Variants in TTK observed in about 807,000 individuals in gnomAD.
TTK encodes dual specificity protein kinase TTK.
Under a neutral mutation model 117.3 loss-of-function variants are expected in TTK, and 59 were observed. That is an observed-to-expected ratio of 0.50 (90% CI 0.41 to 0.62). TTK has a LOEUF of 0.62. TTK is among the 20% of genes least tolerant of loss of function. The probability of loss-of-function intolerance (pLI) is 0.00; values close to 1 mark genes in which losing one functional copy is unlikely to be tolerated. For missense variants in TTK, 921 were observed against 989.4 expected (o/e 0.93, Z 0.93); for synonymous variants, 302 against 325.0 (o/e 0.93, Z 0.76).
intron 19 of TTK, among the ~76,000 whole-genome samples, 157 bp downstream of exon 19, chr6:80,040,029 T>G (rs1479509137): frequency 6.6e-6 from 1 of 151,916 alleles, no homozygotes; most frequent in East Asian, 1.9e-4. Context: ...TGTAAATACT[T>G]GGGGATTTTG....
intron 13 of TTK, among the ~76,000 whole-genome samples, chr6:80,030,615 G>T (rs1767732043): frequency 6.6e-6 from 1 of 152,080 alleles, no homozygotes; most frequent in African/African-American, 2.4e-5. Context: ...GGGAGGGAGA[G>T]AGAGAGTTGG....
At chr6:80,035,753 A>C (rs977734495) in intron 16 of TTK, among the ~76,000 whole-genome samples, 1 of 152,074 alleles carries the variant, frequency 6.6e-6, no homozygotes, top group African/African-American at 2.4e-5. Flanking sequence ...TGAGATGTTT[A>C]CTTTATTCAT....
rs917569852 is a variant in TTK, at chr6:80,034,945, A to G, written c.1615-40A>G. On this transcript the variant is annotated intron_variant, in intron 14 of 21. Transcript: ENST00000369798. ...TTAGAATCATTGTGTGATAGTGTAT[A>G]AATAGTATATTCTAAACTTCTCTTT... 10 of 1,406,532 alleles carry G rather than the reference A, an allele frequency of 7.1e-6. No homozygotes were observed. The Admixed American group carries it at 1.6e-4, about 22-fold the overall frequency. 87.1% of individuals were successfully genotyped at this position (1,406,532 alleles called of 1,614,324 possible).
chr6:80,040,985 A>G (rs1354445049), intron 21 of TTK, among the ~76,000 whole-genome samples: 1 of 151,848 alleles, frequency 6.6e-6, no homozygotes, highest in East Asian at 1.9e-4. Flanking sequence ...ATAGGAATAT[A>G]GTGTGTCTTT....
chr6:80,011,800 AGG>A lies in TTK; in HGVS notation c.801_801+1del. 6.2e-7 allele frequency: 1 copy of A among 1,612,728 alleles called. No individual in the cohort carries two copies. The highest frequency in any genetic ancestry group is 8.5e-7 in the Non-Finnish European group (1 of 1,179,148). On this transcript the variant is annotated splice_donor_variant and coding_sequence_variant, in exon 7 of 22. Transcript: ENST00000369798. LOFTEE classifies it high-confidence loss of function. ...TTGAGACAAACTAACAAAACTAAAC[AGG>A]TAAGTTACTTTCAATCTGCTTGATT...
rs1467604236 is a variant in TTK at position 80,036,476 on chromosome 6, C to T, written c.1926C>T (p.Gly642=). ...TTACAGTGGATTTTTATTTTAAAGG[C>T]ATTGTTCACAGTGATCTTAAACCAG... The part of the protein sequence containing the change: ...LEAVHTIHQH[G]IVHSDLKPAN... The change falls in exon 17 of 22, where the codon GGC becomes GGT. Residue 642 remains glycine (G), a splice_region_variant and synonymous_variant. Transcript: ENST00000369798. The T allele has an allele frequency of 6.3e-7, 1 of 1,596,692 alleles. No individual in the cohort carries two copies. The highest frequency in any genetic ancestry group is 1.7e-4 in the Middle Eastern group (1 of 5,974).
At position 80,037,996 on chromosome 6, in the gene TTK, A is replaced by G; in HGVS notation, c.2079A>G (p.Glu693=). The change falls in exon 18 of 22, where the codon GAA becomes GAG. Residue 693 remains glutamate, a synonymous_variant. Coordinates refer to ENST00000369798, the MANE Select transcript of TTK (RefSeq NM_003318.5). ...GCACAGTTAATTATATGCCACCAGA[A>G]GCAATCAAAGATATGTCTTCCTCCA... is the stretch of plus-strand genomic sequence containing the variant. ...QVGTVNYMPP[E]AIKDMSSSRE... is the part of the protein sequence containing the mutation. 1 of 1,610,684 alleles carries G rather than the reference A, an allele frequency of 6.2e-7. No individual in the cohort carries two copies. Among genetic ancestry groups the G allele is most frequent in the Non-Finnish European group, 8.5e-7 (1 of 1,178,104 alleles).
chr6:80,033,506 T>G (rs561151622), intron 14 of TTK, among the ~76,000 whole-genome samples: 1 of 152,212 alleles, frequency 6.6e-6, no homozygotes, highest in African/African-American at 2.4e-5. Context: ...AGGGATGTTT[T>G]TCTGATTTGC....
Position 80,027,994 on chromosome 6 carries a change from CCACTT to C in TTK, c.1507_1511del (p.Leu503LysfsTer12). On this transcript the variant is annotated frameshift_variant, in exon 13 of 22. Transcript: ENST00000369798. LOFTEE classifies it high-confidence loss of function. ...GCAACAGCATCAAATACTTGCCACT[CCACTT>C]CAAAATTTACAGGTTCGATAAGCTT... 6.2e-7 allele frequency: 1 copy of C among 1,602,400 alleles called. No individual in the cohort carries two copies. The highest frequency in any genetic ancestry group is 8.5e-7 in the Non-Finnish European group (1 of 1,173,844).
At chr6:80,023,064 A>G (rs1445468027) in intron 11 of TTK, among the ~76,000 whole-genome samples, 3 of 152,226 alleles carry the variant, frequency 2.0e-5, no homozygotes, top group Non-Finnish European at 2.9e-5. Flanking sequence ...CAAGTAGGAT[A>G]CTAAAGAGCT....
At chr6:80,022,841 C>A (rs562664835) in intron 11 of TTK, among the ~76,000 whole-genome samples, 8 of 152,278 alleles carry the variant, frequency 5.3e-5, no homozygotes, top group Admixed American at 2.0e-4. Flanking sequence ...GTATTAGAGA[C>A]CACTTGGCCT....
intron 10 of TTK, among the ~76,000 whole-genome samples, chr6:80,016,252 G>T (rs1204309975): frequency 1.3e-5 from 2 of 152,166 alleles, no homozygotes; most frequent in Non-Finnish European, 2.9e-5. Flanking sequence ...GGATTGTTGG[G>T]TTACAGGATA....
chr6:80,013,001 C>A (rs561617061), intron 8 of TTK, among the ~76,000 whole-genome samples: 1 of 152,046 alleles, frequency 6.6e-6, no homozygotes, highest in Non-Finnish European at 1.5e-5. Context: ...GTATACTTTG[C>A]CTTTCCCACA....
chr6:80,008,444 A>G lies in TTK; in HGVS notation c.421A>G (p.Lys141Glu). 1.2e-6 allele frequency: 2 copies of G among 1,612,518 alleles called. No homozygotes were observed. Among genetic ancestry groups the G allele is most frequent in the Admixed American group, 1.7e-5 (1 of 59,866 alleles). ...TCAAATGGCCAGAGCAAACTGCAAG[A>G]AATTTGCTTTTGTTCATATATCTTT... is the stretch of plus-strand genomic sequence containing the variant. ...YFQMARANCK[K>E]FAFVHISFAQ... Residue 141 changes from lysine to glutamate, a missense_variant, in exon 4 of 22, where the codon AAA becomes GAA. Transcript: ENST00000369798.
chr6:80,015,402 G>A (rs1009650076), intron 10 of TTK, among the ~76,000 whole-genome samples: 5 of 152,116 alleles, frequency 3.3e-5, no homozygotes, highest in Admixed American at 2.6e-4. Flanking sequence ...ATCATTAATA[G>A]GATGATCATT....
At chr6:80,008,945 G>GTA (rs1419164242) in intron 4 of TTK, among the ~76,000 whole-genome samples, 1 of 147,750 alleles carries the variant, frequency 6.8e-6, no homozygotes, top group Non-Finnish European at 1.5e-5. Flanking sequence ...GTGTGTGTGT[G>GTA]TGTGTGTGTG....
intron 11 of TTK, 101 bp downstream of exon 11, chr6:80,022,573 T>C (rs917241051): frequency 4.0e-6 from 5 of 1,248,410 alleles, no homozygotes; most frequent in East Asian, 2.6e-5. Context: ...ATGTGTATGA[T>C]ATTTAGTAGA....
intron 13 of TTK, among the ~76,000 whole-genome samples, chr6:80,030,568 A>G (rs1388812378): frequency 6.6e-6 from 1 of 152,138 alleles, no homozygotes; most frequent in Non-Finnish European, 1.5e-5. Flanking sequence ...CAATCATGGC[A>G]GAAGGTGAAA....
intron 8 of TTK, among the ~76,000 whole-genome samples, chr6:80,012,669 A>G (rs766264620): frequency 6.6e-6 from 1 of 152,046 alleles, no homozygotes; most frequent in Non-Finnish European, 1.5e-5. Context: ...GTTTTTCATT[A>G]CTATCTTTTA....
Sources: gnomAD v4.1 joint callset for allele counts (sites outside exome capture counted in the v4.1 genomes callset) on GRCh38, gnomAD v4.1.1 for gene constraint, MANE v1.5 for transcripts, NCBI Gene and HGNC (gene_info 2026-07-23, HGNC 2026-07-21) for gene names.